DPYD: variants seen among roughly 807,000 people sequenced by gnomAD.
DPYD encodes the protein dihydropyrimidine dehydrogenase.
DPYD carries 109 observed loss-of-function variants against 116.2 expected under a neutral mutation model. The observed-to-expected ratio is 0.94, with a 90% CI of 0.80 to 1.10. The LOEUF (loss-of-function observed/expected upper bound fraction) is 1.10. Ranked by LOEUF, DPYD falls within the 50% of genes least tolerant of loss-of-function variation. The probability of loss-of-function intolerance (pLI) is 0.00; values close to 1 mark genes in which losing one functional copy is unlikely to be tolerated. For synonymous variants in DPYD, 440 were observed against 432.0 expected (o/e 1.02, Z -0.23); for missense variants, 1,302 against 1,254.5 (o/e 1.04, Z -0.57).
intron 19 of DPYD, among the ~76,000 whole-genome samples, chr1:97,196,252 A>C (rs554124346): frequency 7.6e-4 from 116 of 151,996 alleles, no homozygotes; most frequent in African/African-American, 2.8e-3. Flanking sequence ...GGCACACACC[A>C]CCATGCTTGG....
chr1:97,845,013 T>C (rs1455824865), intron 2 of DPYD, among the ~76,000 whole-genome samples: 1 of 152,186 alleles, frequency 6.6e-6, no homozygotes, highest in Non-Finnish European at 1.5e-5. Context: ...TGGGTACCGA[T>C]GAACAACAGT....
Position 97,671,946 on chromosome 1 carries a change from A to ATT in DPYD, c.850+7147_850+7148dup, listed in dbSNP as rs202099045. Among the ~76,000 whole-genome samples, 25 of 127,872 alleles carry ATT rather than the reference A, an allele frequency of 2.0e-4. 1 individual carries two copies. The highest frequency in any genetic ancestry group is 3.5e-4 in the African/African-American group (12 of 34,726). 83.9% of individuals were successfully genotyped at this position (127,872 alleles called of 152,430 possible). A position where few individuals can be genotyped will look rare whatever the true frequency, so the allele number is the denominator to read the frequency against. On this transcript the variant is annotated intron_variant, in intron 8 of 22. Coordinates refer to ENST00000370192, the MANE Select transcript of DPYD (RefSeq NM_000110.4). ...TTATTTATTTACGTATTTATCTATT[A>ATT]TTTTTTTTTTTTTTTTGAGATGGTG...
intron 20 of DPYD, among the ~76,000 whole-genome samples, chr1:97,157,070 G>A (rs1442551143): frequency 7.1e-6 from 1 of 140,118 alleles, no homozygotes; most frequent in Non-Finnish European, 1.5e-5. Flanking sequence ...TGAACAATGA[G>A]AACACATGGA....
intron 14 of DPYD, among the ~76,000 whole-genome samples, chr1:97,445,631 T>G (rs1456828091): frequency 6.6e-6 from 1 of 152,208 alleles, no homozygotes; most frequent in Non-Finnish European, 1.5e-5. Context: ...CCCTTGAAGT[T>G]TCTGTCTCTG....
intron 12 of DPYD, among the ~76,000 whole-genome samples, chr1:97,535,010 C>T (rs1649892761): frequency 6.6e-6 from 1 of 152,034 alleles, no homozygotes; most frequent in Non-Finnish European, 1.5e-5. Context: ...GCTGGGAATT[C>T]TACCTCTATG....
intron 8 of DPYD, among the ~76,000 whole-genome samples, chr1:97,633,386 A>G (rs890732947): frequency 1.3e-5 from 2 of 152,110 alleles, no homozygotes; most frequent in African/African-American, 2.4e-5. Flanking sequence ...CTAGGGTAGT[A>G]TTAAGCTGCC....
intron 8 of DPYD, among the ~76,000 whole-genome samples, chr1:97,640,109 G>A (rs983816764): frequency 4.6e-5 from 7 of 152,138 alleles, no homozygotes; most frequent in African/African-American, 1.7e-4. Context: ...TCATTAAAAT[G>A]TTTAAATACA....
intron 3 of DPYD, among the ~76,000 whole-genome samples, chr1:97,814,796 C>CAGTA: frequency 6.6e-6 from 1 of 150,946 alleles, no homozygotes; most frequent in South Asian, 2.1e-4. Context: ...CCCAGCTACT[C>CAGTA]AGTAGGCTGA....
At chr1:97,826,841 T>TA (rs1156536699) in intron 3 of DPYD, among the ~76,000 whole-genome samples, 1 of 152,138 alleles carries the variant, frequency 6.6e-6, no homozygotes, top group African/African-American at 2.4e-5. Flanking sequence ...CTCTTTTTTT[T>TA]ATTAGTAAAG....
At chr1:97,454,472 A>G (rs1000719099) in intron 13 of DPYD, among the ~76,000 whole-genome samples, 1 of 151,930 alleles carries the variant, frequency 6.6e-6, no homozygotes, top group African/African-American at 2.4e-5. Flanking sequence ...GTTAGAGTAG[A>G]GAAGAGTTCA....
intron 3 of DPYD, among the ~76,000 whole-genome samples, chr1:97,817,410 T>C (rs2101426458): frequency 6.6e-6 from 1 of 152,132 alleles, no homozygotes; most frequent in Non-Finnish European, 1.5e-5. Context: ...GGATAAGAAA[T>C]TGTATTAATT....
At chr1:97,455,869 C>G (rs1409635117) in intron 13 of DPYD, among the ~76,000 whole-genome samples, 2 of 151,750 alleles carry the variant, frequency 1.3e-5, no homozygotes, top group Non-Finnish European at 2.9e-5. Flanking sequence ...CTTGTAGTAG[C>G]TTATATAACG....
intron 20 of DPYD, among the ~76,000 whole-genome samples, chr1:97,179,702 A>G (rs1657520634): frequency 6.6e-6 from 1 of 152,126 alleles, no homozygotes; most frequent in African/African-American, 2.4e-5. Context: ...GTGCAGCATT[A>G]GTCACATTTT....
chr1:97,456,488 T>C (rs1676693721), intron 13 of DPYD, among the ~76,000 whole-genome samples: 1 of 152,066 alleles, frequency 6.6e-6, no homozygotes, highest in African/African-American at 2.4e-5. Context: ...CTCTGACAAG[T>C]CCCAAGTCTA....
At chr1:97,855,399 T>C (rs951870911) in intron 2 of DPYD, 2 of 152,084 alleles carry the variant, frequency 1.3e-5, no homozygotes, top group Non-Finnish European at 2.9e-5. Context: ...GGAGTTTTTG[T>C]CACTTTAGAA....
intron 14 of DPYD, among the ~76,000 whole-genome samples, chr1:97,437,382 T>C (rs1476847164): frequency 6.6e-6 from 1 of 151,880 alleles, no homozygotes; most frequent in Non-Finnish European, 1.5e-5. Context: ...AATAGTTCAT[T>C]CTTTTTATTG....
chr1:97,917,176 G>A (rs1674259662), intron 1 of DPYD, among the ~76,000 whole-genome samples: 1 of 152,122 alleles, frequency 6.6e-6, no homozygotes, highest in Non-Finnish European at 1.5e-5. Flanking sequence ...AAAGGAAGGA[G>A]AAAAGAAATG....
intron 2 of DPYD, among the ~76,000 whole-genome samples, chr1:97,839,676 C>T (rs1281360855): frequency 3.9e-5 from 6 of 152,200 alleles, no homozygotes; most frequent in Admixed American, 1.3e-4. Context: ...TATAATATAT[C>T]CTTGTACATG....
At chr1:97,743,251 C>G (rs1664365301) in intron 3 of DPYD, among the ~76,000 whole-genome samples, 1 of 152,032 alleles carries the variant, frequency 6.6e-6, no homozygotes, top group African/African-American at 2.4e-5. Flanking sequence ...TGTAGCATTC[C>G]TTTTTCCTTT....
Sources: gnomAD v4.1 joint callset for allele counts (sites outside exome capture counted in the v4.1 genomes callset) on GRCh38, gnomAD v4.1.1 for gene constraint, MANE v1.5 for transcripts, NCBI Gene and HGNC (gene_info 2026-07-23, HGNC 2026-07-21) for gene names.